The following PTPN5 variants were observed in gnomAD, a reference collection of about 807,000 sequenced individuals.
PTPN5 encodes protein tyrosine phosphatase non-receptor type 5, also known as tyrosine-protein phosphatase non-receptor type 5.
In PTPN5, 29 loss-of-function variants were observed where a neutral mutation model predicts 73.9. The observed-to-expected ratio is 0.39, with a 90% CI of 0.29 to 0.54. The LOEUF is 0.54. Ranked by LOEUF, PTPN5 falls within the 20% of genes least tolerant of loss-of-function variation. The probability of loss-of-function intolerance (pLI) is 0.65; values close to 1 mark genes in which losing one functional copy is unlikely to be tolerated. For synonymous variants in PTPN5, 267 were observed against 304.7 expected, an observed-to-expected ratio of 0.88 and a Z score of 1.29; for missense variants, 652 against 751.4, an observed-to-expected ratio of 0.87 and a Z score of 1.55.
At chr11:18,792,180 C>G (rs1481114240), upstream of PTPN5, 1 of 152,266 alleles carries the variant, frequency 6.6e-6, no homozygotes, top group African/African-American at 2.4e-5. Context: ...GCCGTGCGCG[C>G]TGAACCTGGG....
intron 1 of PTPN5, among the ~76,000 whole-genome samples, chr11:18,778,039 T>C (rs1396731749): frequency 6.6e-6 from 1 of 151,424 alleles, no homozygotes; most frequent in Non-Finnish European, 1.5e-5. Flanking sequence ...CCCTGATTTG[T>C]GCCCTCTGCC....
chr11:18,746,101 G>GT (rs1022476178), intron 3 of PTPN5, among the ~76,000 whole-genome samples: 24 of 140,394 alleles, frequency 1.7e-4, no homozygotes, highest in Middle Eastern at 4.1e-3. Context: ...CTTTTACTCA[G>GT]TTTTTTTTGC....
chr11:18,765,985 C>A, intron 2 of PTPN5, 102 bp from the exon 3 acceptor site: 1 of 851,818 alleles, frequency 1.2e-6, no homozygotes, highest in East Asian at 2.7e-5. Context: ...TTCTGTATCC[C>A]TTTGAATAAC....
intron 3 of PTPN5, among the ~76,000 whole-genome samples, chr11:18,751,707 A>G (rs1293655590): frequency 1.3e-5 from 2 of 152,222 alleles, no homozygotes; most frequent in Non-Finnish European, 2.9e-5. Context: ...ATTTTGACAT[A>G]AGAAGATTCT....
At chr11:18,786,358 G>A (rs1205146477) in intron 1 of PTPN5, among the ~76,000 whole-genome samples, 1 of 152,006 alleles carries the variant, frequency 6.6e-6, no homozygotes, top group East Asian at 1.9e-4. Flanking sequence ...GCCTGCCACG[G>A]CGCCTGGCTA....
chr11:18,750,496 G>T (rs1431986436), intron 3 of PTPN5, among the ~76,000 whole-genome samples: 1 of 152,160 alleles, frequency 6.6e-6, no homozygotes, highest in Non-Finnish European at 1.5e-5. Flanking sequence ...ATGATGCTGG[G>T]CTCCATGGCC....
At chr11:18,744,491 C>A in intron 3 of PTPN5, 1 of 287,802 alleles carries the variant, frequency 3.5e-6, no homozygotes, top group Non-Finnish European at 6.4e-6. Flanking sequence ...CATTCTTTTC[C>A]ATTTCTTAAG....
At chr11:18,767,030 C>G (rs1057189178) in intron 2 of PTPN5, among the ~76,000 whole-genome samples, 1 of 152,172 alleles carries the variant, frequency 6.6e-6, no homozygotes, top group Non-Finnish European at 1.5e-5. Context: ...CATAAGATGG[C>G]CGTGGATCCT....
Position 18,740,810 on chromosome 11 carries a change from G to C in PTPN5, c.726-18C>G. ...AACCCCTCCTGGAAGGACCAGGAAA[G>C]GGAGTGTGAGCCTCAGGGGCAGAGG... On this transcript the variant is annotated intron_variant, in intron 7 of 14. Transcript: ENST00000358540. 6.8e-7 allele frequency: 1 copy of C among 1,475,166 alleles called. No individual in the cohort carries two copies. Among genetic ancestry groups the C allele is most frequent in the Non-Finnish European group, 9.1e-7 (1 of 1,103,976 alleles). The allele number at this position is 1,475,166 out of a possible 1,614,324, so 91.4% of individuals were successfully genotyped here. A position where few individuals can be genotyped will look rare whatever the true frequency, so the allele number is the denominator to read the frequency against.
At chr11:18,746,159 A>G (rs1357953050) in intron 3 of PTPN5, among the ~76,000 whole-genome samples, 1 of 87,158 alleles carries the variant, frequency 1.1e-5, no homozygotes, top group Admixed American at 1.5e-4. Flanking sequence ...TGTTATAAAT[A>G]TAAATATATA....
At chr11:18,760,126 T>G (rs1458063761) in intron 3 of PTPN5, among the ~76,000 whole-genome samples, 1 of 152,132 alleles carries the variant, frequency 6.6e-6, no homozygotes, top group African/African-American at 2.4e-5. Flanking sequence ...ATGTCTGTCT[T>G]GCTTGTCACT....
intron 1 of PTPN5, among the ~76,000 whole-genome samples, chr11:18,776,103 T>C (rs4265582): frequency 0.7 from 106,818 of 152,010 alleles, 37,824 homozygotes; most frequent in East Asian, 0.97. Context: ...TCTGAAAACA[T>C]TGCATTCTGC....
chr11:18,749,710 T>A (rs569405333), intron 3 of PTPN5, among the ~76,000 whole-genome samples: 1 of 152,308 alleles, frequency 6.6e-6, no homozygotes, highest in East Asian at 1.9e-4. Flanking sequence ...AGGGAAACGC[T>A]ATGATCCCTC....
At chr11:18,764,478 T>G (rs1051529946) in intron 3 of PTPN5, among the ~76,000 whole-genome samples, 2 of 152,220 alleles carry the variant, frequency 1.3e-5, no homozygotes, top group African/African-American at 4.8e-5. Context: ...AGGTATGAAC[T>G]GCATCAAAGG....
chr11:18,787,844 T>C (rs1851739805), intron 1 of PTPN5, among the ~76,000 whole-genome samples: 1 of 152,244 alleles, frequency 6.6e-6, no homozygotes, highest in South Asian at 2.1e-4. Context: ...TTTAGCAACG[T>C]ATCCCTAGGG....
At chr11:18,764,769 G>C (rs1319950851) in intron 3 of PTPN5, among the ~76,000 whole-genome samples, 1 of 152,200 alleles carries the variant, frequency 6.6e-6, no homozygotes, top group African/African-American at 2.4e-5. Context: ...CTGGAGTGCA[G>C]TGGCGCGATC....
chr11:18,754,762 G>A (rs57217299), intron 3 of PTPN5, among the ~76,000 whole-genome samples: 52,807 of 152,168 alleles, frequency 0.35, 9,500 homozygotes, highest in Middle Eastern at 0.48. Context: ...TGAGAAAGGC[G>A]TTGTTTTCCT....
chr11:18,762,118 G>A (rs1345528256), intron 3 of PTPN5, among the ~76,000 whole-genome samples: 2 of 152,258 alleles, frequency 1.3e-5, no homozygotes, highest in East Asian at 1.9e-4. Context: ...TGCTGAGGAC[G>A]TTTCCACCAA....
chr11:18,771,928 C>T lies in PTPN5; in HGVS notation c.20+11G>A, dbSNP rs200778914. On this transcript the variant is annotated intron_variant, in intron 2 of 14. Coordinates refer to ENST00000358540, the MANE Select transcript of PTPN5 (RefSeq NM_006906.2). Reference sequence around the variant, plus strand: ...GCGGGTTGCAGGGGGACGGCGTAAACGCTCACTCACCTGGCTCCCTCATAA... The same window carrying T: ...GCGGGTTGCAGGGGGACGGCGTAAATGCTCACTCACCTGGCTCCCTCATAA... The T allele has an allele frequency of 5.6e-6, 9 of 1,595,340 alleles. No homozygotes were observed. The East Asian group carries it at 6.9e-5, about 12-fold the overall frequency.
Sources: allele counts gnomAD v4.1 joint callset (sites outside exome capture counted in the v4.1 genomes callset), GRCh38; gene constraint gnomAD v4.1.1; transcripts MANE v1.5; gene names NCBI Gene and HGNC (gene_info 2026-07-23, HGNC 2026-07-21).